The following RREB1 variants were observed in gnomAD, a reference collection of about 807,000 sequenced individuals.
RREB1 encodes ras-responsive element-binding protein 1.
RREB1 carries 27 observed loss-of-function variants against 117.8 expected under a neutral mutation model. The ratio of observed to expected loss-of-function variants is 0.23; its 90% CI spans 0.17 to 0.32. The LOEUF is 0.32. Ranked by LOEUF, RREB1 falls within the 10% of genes least tolerant of loss-of-function variation. RREB1 has a pLI of 1.00. For missense variants in RREB1, 2,577 were observed against 2,378.2 expected, an observed-to-expected ratio of 1.08 and a Z score of -1.74; for synonymous variants, 1,298 against 1,026.7, an observed-to-expected ratio of 1.26 and a Z score of -5.05.
In RREB1 at chr6:7,171,580, CTTTGT is replaced by C. The variant is rs1310554675; in HGVS notation, c.-284-5074_-284-5070del. On this transcript the variant is annotated intron_variant, in intron 1 of 12. Coordinates refer to ENST00000379938, the MANE Select transcript of RREB1 (RefSeq NM_001003699.4). ...GACAAGTGACTCAGTCCCTCTCAAC[CTTTGT>C]CTTTATGGCTGTACACTGGGAACAA... Among the ~76,000 whole-genome samples, 6 of 152,310 alleles carry C rather than the reference CTTTGT, an allele frequency of 3.9e-5. No homozygotes were observed. The East Asian group carries it at 9.6e-4, about 24-fold the overall frequency.
At position 7,196,211 on chromosome 6, in the gene RREB1, T is replaced by C. The variant is rs1295039294; in HGVS notation, c.425+6889T>C. On this transcript the variant is annotated intron_variant, in intron 6 of 12. Transcript: ENST00000379938. Reference sequence around the variant, plus strand: ...CCAAAGTTCGTTGTTTTTTGGTTTTTTTTTTCGTTTTTTTTTTTTGTTTTT... The same window carrying C: ...CCAAAGTTCGTTGTTTTTTGGTTTTCTTTTTCGTTTTTTTTTTTTGTTTTT... Among the ~76,000 whole-genome samples the C allele has an allele frequency of 1.4e-4, 20 of 140,610 alleles. No homozygotes were observed. In the East Asian group the frequency reaches 4.2e-3, roughly 29 times the overall value. 92.2% of individuals were successfully genotyped at this position (140,610 alleles called of 152,430 possible).
intron 6 of RREB1, among the ~76,000 whole-genome samples, chr6:7,202,211 C>T (rs80334326): frequency 0.014 from 2,066 of 152,252 alleles, 43 homozygotes; most frequent in African/African-American, 0.048. Context: ...CCCTTGTGGG[C>T]GCATGGCCGA....
At chr6:7,177,451 T>C (rs909549281) in intron 2 of RREB1, among the ~76,000 whole-genome samples, 5 of 151,846 alleles carry the variant, frequency 3.3e-5, no homozygotes, top group Non-Finnish European at 7.4e-5. Context: ...TGCTTGGTAA[T>C]GTTGATCATA....
chr6:7,175,516 A>G (rs1685065971), intron 1 of RREB1, among the ~76,000 whole-genome samples: 1 of 152,176 alleles, frequency 6.6e-6, no homozygotes, highest in Admixed American at 6.5e-5. Context: ...CAGAAGGGGA[A>G]TAAAAGTGAG....
At chr6:7,126,835 G>C (rs1419272794) in intron 1 of RREB1, among the ~76,000 whole-genome samples, 1 of 152,138 alleles carries the variant, frequency 6.6e-6, no homozygotes, top group Non-Finnish European at 1.5e-5. Flanking sequence ...CCAGCCTCTG[G>C]AAATGCAAGG....
intron 1 of RREB1, among the ~76,000 whole-genome samples, chr6:7,148,487 T>C (rs1762969764): frequency 6.8e-6 from 1 of 147,862 alleles, no homozygotes; most frequent in African/African-American, 2.6e-5. Flanking sequence ...AAATTTTCAA[T>C]TGAGAAAAAC....
intron 1 of RREB1, among the ~76,000 whole-genome samples, chr6:7,113,561 A>C (rs1761251514): frequency 6.6e-6 from 1 of 152,150 alleles, no homozygotes; most frequent in African/African-American, 2.4e-5. Context: ...CCCATTTTAC[A>C]GCTGCGCGGT....
chr6:7,193,972 CT>C (rs1765541996), intron 6 of RREB1, among the ~76,000 whole-genome samples: 2 of 152,344 alleles, frequency 1.3e-5, no homozygotes, highest in South Asian at 4.1e-4. Context: ...CACTCTTTCA[CT>C]CTTTTCCTCA....
intron 9 of RREB1, 103 bp from the exon 10 acceptor site, chr6:7,228,894 A>G: frequency 2.9e-6 from 3 of 1,050,296 alleles, no homozygotes; most frequent in Non-Finnish European, 3.9e-6. Context: ...AAGGCTGTGT[A>G]CTGGGATAAA....
Position 7,153,413 on chromosome 6 carries a change from T to TACACAC in RREB1, c.-284-23216_-284-23211dup, listed in dbSNP as rs57110705. Among the ~76,000 whole-genome samples, 799 of 145,810 alleles carry TACACAC rather than the reference T, an allele frequency of 5.5e-3. 5 individuals carry two copies. The highest frequency in any genetic ancestry group is 0.011 in the African/African-American group (429 of 39,266). On this transcript the variant is annotated intron_variant, in intron 1 of 12. Coordinates refer to ENST00000379938, the MANE Select transcript of RREB1 (RefSeq NM_001003699.4). The stretch of plus-strand genomic sequence containing the variant: ...AAGTCAAGGGATTCCAGTAGTGGTA[T>TACACAC]ACACACACACACACACACACACACA...
Position 7,231,888 on chromosome 6 carries a change from G to A in RREB1, c.3789G>A (p.Arg1263=), listed in dbSNP as rs766701245. ...RVFPWASSLQ[R]HMLTHTGQKP... ...TCCCTTGGGCCAGCTCCCTACAGAG[G>A]CACATGCTCACACACACTGGTAAGA... The change falls in exon 10 of 13, where the codon AGG becomes AGA. Residue 1263 remains arginine, a synonymous_variant. Coordinates refer to ENST00000379938, the MANE Select transcript of RREB1 (RefSeq NM_001003699.4). 13 of 1,607,374 alleles carry A rather than the reference G, an allele frequency of 8.1e-6. No homozygotes were observed. The highest frequency in any genetic ancestry group is 1.7e-4 in the Middle Eastern group (1 of 6,054).
At chr6:7,173,150 C>T (rs1341526039) in intron 1 of RREB1, among the ~76,000 whole-genome samples, 1 of 152,156 alleles carries the variant, frequency 6.6e-6, no homozygotes, top group Non-Finnish European at 1.5e-5. Flanking sequence ...TTGTAAAACC[C>T]ACTGTTCTGT....
intron 1 of RREB1, among the ~76,000 whole-genome samples, chr6:7,140,484 A>G (rs1350915092): frequency 6.6e-6 from 1 of 152,268 alleles, no homozygotes; most frequent in African/African-American, 2.4e-5. Flanking sequence ...TGAAACACAG[A>G]TATAGAATAA....
chr6:7,249,080 AG>A lies in RREB1; in HGVS notation c.*113del, dbSNP rs1581604214. Reference sequence around the variant, plus strand: ...TGAGGAGTGAGAGAGAGAGAGAGAGAGAGAGAGAGAGAGAGAGAGAGAGACA... The same window carrying A: ...TGAGGAGTGAGAGAGAGAGAGAGAGAAGAGAGAGAGAGAGAGAGAGAGACA... On this transcript the variant is annotated 3_prime_UTR_variant, in exon 13 of 13. Transcript: ENST00000379938. 1.5e-5 allele frequency: 11 copies of A among 736,230 alleles called. No homozygotes were observed. The East Asian group carries it at 2.8e-4, about 18-fold the overall frequency. 45.6% of individuals were successfully genotyped at this position (736,230 alleles called of 1,614,324 possible).
chr6:7,128,172 C>G (rs1762015293), intron 1 of RREB1, among the ~76,000 whole-genome samples: 2 of 152,114 alleles, frequency 1.3e-5, no homozygotes, highest in South Asian at 4.1e-4. Context: ...CTCCTGTAAA[C>G]TTGGTGGGTT....
chr6:7,127,803 G>T (rs1406264171), intron 1 of RREB1, among the ~76,000 whole-genome samples: 1 of 152,096 alleles, frequency 6.6e-6, no homozygotes, highest in African/African-American at 2.4e-5. Context: ...TTGCCAGCTC[G>T]CTGCTCACCT....
At chr6:7,131,061 C>T (rs192037120) in intron 1 of RREB1, among the ~76,000 whole-genome samples, 66 of 151,408 alleles carry the variant, frequency 4.4e-4, no homozygotes, top group African/African-American at 1.5e-3. Flanking sequence ...GCCTCAGCCT[C>T]CGGAGTAGGT....
intron 2 of RREB1, among the ~76,000 whole-genome samples, chr6:7,178,943 T>A (rs1764645884): frequency 6.6e-6 from 1 of 152,228 alleles, no homozygotes; most frequent in African/African-American, 2.4e-5. Flanking sequence ...TTTTGCAATT[T>A]TCAGCCCTTA....
In RREB1 at chr6:7,247,030, A is replaced by G. The variant is rs1396417089; in HGVS notation, c.4580A>G (p.Glu1527Gly). ...GCGGAAAAGCTCGCGGAGGAGACGG[A>G]GGGCCCCTCCGACGGGGAGAGCGCG... ...APAEKLAEET[E>G]GPSDGESAAE... The change falls in exon 12 of 13, where the codon GAG becomes GGG. Residue 1527 changes from glutamate to glycine, a missense_variant. Physicochemically the swap from Glu to Gly is moderately conservative, Grantham distance 98 (BLOSUM62 -2). Coordinates refer to ENST00000379938, the MANE Select transcript of RREB1 (RefSeq NM_001003699.4). The G allele has an allele frequency of 6.2e-7, 1 of 1,612,342 alleles. No homozygotes were observed. The highest frequency in any genetic ancestry group is 1.7e-5 in the Admixed American group (1 of 59,952).
Sources: allele counts gnomAD v4.1 joint callset (sites outside exome capture counted in the v4.1 genomes callset), GRCh38; gene constraint gnomAD v4.1.1; transcripts MANE v1.5; gene names NCBI Gene and HGNC (gene_info 2026-07-23, HGNC 2026-07-21).